SIPA1L1: variants seen among roughly 807,000 people sequenced by gnomAD.
The protein encoded by SIPA1L1 is signal-induced proliferation-associated 1-like protein 1.
In SIPA1L1, 26 loss-of-function variants were observed where a neutral mutation model predicts 162.7. The ratio of observed to expected loss-of-function variants is 0.16; its 90% CI spans 0.12 to 0.22. SIPA1L1 has a LOEUF of 0.22. Ranked by LOEUF, SIPA1L1 falls within the 10% of genes least tolerant of loss-of-function variation. The pLI, the probability that SIPA1L1 is intolerant of heterozygous loss-of-function variation, is 1.00. For synonymous variants in SIPA1L1, 829 were observed against 837.4 expected (o/e 0.99, Z 0.17); for missense variants, 1,874 against 2,241.0 (o/e 0.84, Z 3.31).
chr14:71,681,077 T>C (rs1430096067), intron 12 of SIPA1L1, among the ~76,000 whole-genome samples: 1 of 152,186 alleles, frequency 6.6e-6, no homozygotes, highest in African/African-American at 2.4e-5. Flanking sequence ...AAAACAGCGA[T>C]GAGAATGAGG....
intron 2 of SIPA1L1, among the ~76,000 whole-genome samples, chr14:71,435,482 A>G (rs1043884012): frequency 5.3e-5 from 8 of 152,148 alleles, no homozygotes; most frequent in Admixed American, 3.3e-4. Flanking sequence ...AGCTTCATCC[A>G]TGTCCCTACA....
Position 71,602,739 on chromosome 14 carries a change from C to A in SIPA1L1, c.1498+13369C>A, listed in dbSNP as rs774844152. 2.6e-5 allele frequency among the ~76,000 whole-genome samples: 4 copies of A among 152,230 alleles called. No homozygotes were observed. In the South Asian group the frequency reaches 8.3e-4, roughly 31 times the overall value. Reference sequence around the variant, plus strand: ...AGGCTGCGCAGCAGGAGGTGAGCAGCAGGTGAGCCAGCATTATCACCTAAG... The same window carrying A: ...AGGCTGCGCAGCAGGAGGTGAGCAGAAGGTGAGCCAGCATTATCACCTAAG... On this transcript the variant is annotated intron_variant, in intron 5 of 23. Coordinates refer to ENST00000381232, the MANE Select transcript of SIPA1L1 (RefSeq NM_001386936.1).
At chr14:71,690,012 C>A (rs529537149) in intron 13 of SIPA1L1, among the ~76,000 whole-genome samples, 54 of 152,298 alleles carry the variant, frequency 3.5e-4, no homozygotes, top group Middle Eastern at 3.4e-3. Context: ...AGCTAATCTT[C>A]CACTGTGTCA....
chr14:71,738,366 AAC>A, intron 23 of SIPA1L1, 41 bp downstream of exon 23: 1 of 1,388,978 alleles, frequency 7.2e-7, no homozygotes, highest in Non-Finnish European at 1.0e-6. Flanking sequence ...AGTCTGTACA[AAC>A]TACCCTTGAA....
At chr14:71,444,931 A>G (rs1433882582) in intron 2 of SIPA1L1, among the ~76,000 whole-genome samples, 1 of 152,190 alleles carries the variant, frequency 6.6e-6, no homozygotes, top group Non-Finnish European at 1.5e-5. Context: ...CCTAGAAGAG[A>G]CAGTTCCTAA....
Position 71,367,699 on chromosome 14 carries a change from G to A in SIPA1L1, c.-465+46518G>A, listed in dbSNP as rs551072473. Among the ~76,000 whole-genome samples, 455 of 146,288 alleles carry A rather than the reference G, an allele frequency of 3.1e-3. 2 individuals are homozygous for A. The highest frequency in any genetic ancestry group is 5.4e-3 in the Non-Finnish European group (359 of 67,012). ...TTGGCTCACTGCAACCTCTGCCTCC[G>A]GGGTTCAAGCGATTCTCCTGCCTCA... On this transcript the variant is annotated intron_variant, in intron 2 of 23. Coordinates refer to ENST00000381232, the MANE Select transcript of SIPA1L1 (RefSeq NM_001386936.1).
chr14:71,562,573 A>T (rs149674965), intron 4 of SIPA1L1, among the ~76,000 whole-genome samples: 210 of 152,328 alleles, frequency 1.4e-3, no homozygotes, highest in Non-Finnish European at 2.5e-3. Context: ...TTTTTCAGTA[A>T]CTTGCATGTT....
At chr14:71,671,951 G>C (rs1409155372) in intron 11 of SIPA1L1, among the ~76,000 whole-genome samples, 1 of 146,474 alleles carries the variant, frequency 6.8e-6, no homozygotes, top group South Asian at 2.2e-4. Flanking sequence ...GTGCGTTCAT[G>C]TTCAAAACCC....
intron 2 of SIPA1L1, among the ~76,000 whole-genome samples, chr14:71,477,505 CAATT>C (rs755847665): frequency 8.6e-5 from 13 of 151,772 alleles, no homozygotes; most frequent in East Asian, 1.9e-4. Context: ...ATTAATTAAT[CAATT>C]AATTAATTAT....
At chr14:71,627,132 T>TC in intron 7 of SIPA1L1, among the ~76,000 whole-genome samples, 1 of 7,428 alleles carries the variant, frequency 1.3e-4, no homozygotes, top group Non-Finnish European at 2.5e-4. Flanking sequence ...CTTTCACTAC[T>TC]TTTTTTTTTT....
rs191703235 is a variant in SIPA1L1, at chr14:71,661,306, G to C, written c.2098-4G>C. 1 of 1,609,100 alleles carries C rather than the reference G, an allele frequency of 6.2e-7. No homozygotes were observed. Among genetic ancestry groups the C allele is most frequent in the South Asian group, 1.1e-5 (1 of 90,490 alleles). On this transcript the variant is annotated splice_polypyrimidine_tract_variant and splice_region_variant and intron_variant, in intron 9 of 23. Transcript: ENST00000381232. ...TTATGTTGGTTGCTTATTTTTTCTT[G>C]TAGCTCCTGAGGAAGCGGCACATTG...
chr14:71,405,988 T>A (rs1294337233), intron 2 of SIPA1L1, among the ~76,000 whole-genome samples: 1 of 152,188 alleles, frequency 6.6e-6, no homozygotes, highest in Non-Finnish European at 1.5e-5. Flanking sequence ...TGGAAAATGA[T>A]CATGGGCAGA....
chr14:71,437,279 C>T (rs997338919), intron 2 of SIPA1L1, among the ~76,000 whole-genome samples: 12 of 152,036 alleles, frequency 7.9e-5, no homozygotes, highest in African/African-American at 2.4e-4. Context: ...TTTTGGAGGC[C>T]GAGGCAGGAG....
intron 2 of SIPA1L1, among the ~76,000 whole-genome samples, chr14:71,473,214 A>T (rs2047600592): frequency 6.6e-6 from 1 of 152,186 alleles, no homozygotes; most frequent in Admixed American, 6.5e-5. Context: ...ATAAGATATA[A>T]ACAAGATTAC....
intron 5 of SIPA1L1, among the ~76,000 whole-genome samples, chr14:71,594,330 A>T (rs1196375101): frequency 6.6e-6 from 1 of 152,200 alleles, no homozygotes; most frequent in Non-Finnish European, 1.5e-5. Context: ...TAGCTGTTAT[A>T]AATTTTAGTG....
In SIPA1L1 at chr14:71,685,754, G is replaced by A. The variant is rs1348103204; in HGVS notation, c.3374+123G>A. 1.2e-5 allele frequency: 15 copies of A among 1,218,902 alleles called. No homozygotes were observed. In the Admixed American group the frequency reaches 3.8e-4, roughly 31 times the overall value. The allele number at this position is 1,218,902 out of a possible 1,614,324, so 75.5% of individuals were successfully genotyped here. A position where few individuals can be genotyped will look rare whatever the true frequency, so the allele number is the denominator to read the frequency against. The stretch of plus-strand genomic sequence containing the variant: ...TAGAAACAAAGAATTAAACTGAGGT[G>A]CATACCGTAGTGACTTTCAAAGCAT... On this transcript the variant is annotated intron_variant, in intron 13 of 23. Coordinates refer to ENST00000381232, the MANE Select transcript of SIPA1L1 (RefSeq NM_001386936.1).
intron 2 of SIPA1L1, among the ~76,000 whole-genome samples, chr14:71,430,108 C>G (rs4559844): frequency 6.6e-6 from 1 of 152,116 alleles, no homozygotes; most frequent in Non-Finnish European, 1.5e-5. Context: ...AGCATCACAC[C>G]TACCTCATTA....
intron 2 of SIPA1L1, among the ~76,000 whole-genome samples, chr14:71,481,092 CTT>C (rs1210716402): frequency 6.6e-6 from 1 of 152,146 alleles, no homozygotes; most frequent in African/African-American, 2.4e-5. Context: ...AATTTTAAGT[CTT>C]TTATATCCAA....
At chr14:71,601,604 A>G (rs558167014) in intron 5 of SIPA1L1, among the ~76,000 whole-genome samples, 1 of 152,154 alleles carries the variant, frequency 6.6e-6, no homozygotes, top group Non-Finnish European at 1.5e-5. Context: ...TGCTGACCTC[A>G]TAGAATGAGT....
Sources: allele counts gnomAD v4.1 joint callset (sites outside exome capture counted in the v4.1 genomes callset), GRCh38; gene constraint gnomAD v4.1.1; transcripts MANE v1.5; gene names NCBI Gene and HGNC (gene_info 2026-07-23, HGNC 2026-07-21).